TPP2: variants seen among roughly 807,000 people sequenced by gnomAD.
The protein encoded by TPP2 is tripeptidyl-peptidase 2.
A neutral mutation model predicts 155.9 loss-of-function variants in TPP2; 34 were observed. The observed-to-expected ratio is 0.22, with a 90% CI of 0.17 to 0.29. The LOEUF (loss-of-function observed/expected upper bound fraction) is 0.29. TPP2 is among the 10% of genes least tolerant of loss of function. The probability of loss-of-function intolerance (pLI) is 1.00; values close to 1 mark genes in which losing one functional copy is unlikely to be tolerated. For missense variants in TPP2, 1,028 were observed against 1,522.3 expected, an observed-to-expected ratio of 0.68 and a Z score of 5.40; for synonymous variants, 510 against 529.4, an observed-to-expected ratio of 0.96 and a Z score of 0.50.
intron 5 of TPP2, among the ~76,000 whole-genome samples, chr13:102,619,077 C>T (rs1412295947): frequency 6.6e-6 from 1 of 152,092 alleles, no homozygotes; most frequent in Non-Finnish European, 1.5e-5. Flanking sequence ...AAACTTACTT[C>T]ATTAATAATT....
intron 27 of TPP2, 130 bp from the exon 28 acceptor site, chr13:102,674,153 G>A (rs112912971): frequency 0.01 from 9,572 of 920,000 alleles, 88 homozygotes; most frequent in Middle Eastern, 0.019. Context: ...ACAATTGTAC[G>A]TACCTGGATA....
chr13:102,626,935 A>G, intron 6 of TPP2, 77 bp from the exon 7 acceptor site: 2 of 1,360,896 alleles, frequency 1.5e-6, no homozygotes, highest in Non-Finnish European at 1.9e-6. Flanking sequence ...TATCATGATT[A>G]ATAATATGCA....
At chr13:102,648,869 AAACTT>A in intron 21 of TPP2, 33 bp from the exon 22 acceptor site, 1 of 1,552,636 alleles carries the variant, frequency 6.4e-7, no homozygotes, top group South Asian at 1.3e-5. Context: ...TGACTTGGTT[AAACTT>A]AACTTTTCCC....
chr13:102,646,244 C>A, intron 19 of TPP2, 50 bp from the exon 20 acceptor site: 1 of 1,455,418 alleles, frequency 6.9e-7, no homozygotes, highest in East Asian at 2.3e-5. Flanking sequence ...TTATTTGTCT[C>A]ATTCAATGAA....
intron 6 of TPP2, among the ~76,000 whole-genome samples, chr13:102,624,196 G>A (rs1444153296): frequency 6.6e-6 from 1 of 152,088 alleles, no homozygotes; most frequent in Non-Finnish European, 1.5e-5. Context: ...TTTATATCGT[G>A]AAAATGTTAA....
intron 2 of TPP2, among the ~76,000 whole-genome samples, chr13:102,611,652 CCTT>C (rs1041901948): frequency 1.3e-5 from 2 of 152,102 alleles, no homozygotes; most frequent in Admixed American, 6.5e-5. Flanking sequence ...GAGCGAGACT[CCTT>C]CTCAAAAAAA....
chr13:102,668,369 C>T (rs1884745350), intron 27 of TPP2, among the ~76,000 whole-genome samples: 1 of 152,162 alleles, frequency 6.6e-6, no homozygotes, highest in African/African-American at 2.4e-5. Flanking sequence ...TGTTTTTTTG[C>T]ATCAGGTTTT....
At chr13:102,670,161 G>A (rs1480347534) in intron 27 of TPP2, among the ~76,000 whole-genome samples, 1 of 85,684 alleles carries the variant, frequency 1.2e-5, no homozygotes, top group Non-Finnish European at 2.7e-5. Flanking sequence ...AAAGAATTAG[G>A]TATTGTGGGT....
rs956963160 is a variant in TPP2, at chr13:102,597,267, C to T, written c.165+64C>T. ...GCGGCCGGGGACGCGGGTGGGGACA[C>T]AGTCTCGGAGCCCGGCAGGCCAAAG... On this transcript the variant is annotated intron_variant, in intron 1 of 29. Coordinates refer to ENST00000376052, the MANE Select transcript of TPP2 (RefSeq NM_001330588.2). The T allele has an allele frequency of 1.2e-5, 12 of 979,530 alleles. No individual in the cohort carries two copies. The South Asian group carries it at 2.5e-4, about 20-fold the overall frequency. The allele number at this position is 979,530 out of a possible 1,614,324, so 60.7% of individuals were successfully genotyped here. A position where few individuals can be genotyped will look rare whatever the true frequency, so the allele number is the denominator to read the frequency against.
At chr13:102,677,348 T>C (rs901126303) in intron 29 of TPP2, among the ~76,000 whole-genome samples, 5 of 130,030 alleles carry the variant, frequency 3.8e-5, no homozygotes, top group Admixed American at 3.7e-4. Flanking sequence ...GGAGTGTTTC[T>C]TAACTTGTCT....
intron 1 of TPP2, among the ~76,000 whole-genome samples, chr13:102,598,275 C>T (rs1414304290): frequency 1.3e-5 from 2 of 152,294 alleles, no homozygotes; most frequent in East Asian, 3.9e-4. Context: ...CCCTGGCTAT[C>T]TTATCCTCCT....
intron 13 of TPP2, 130 bp from the exon 14 acceptor site, chr13:102,636,952 A>C: frequency 1.2e-6 from 1 of 814,434 alleles, no homozygotes; most frequent in Admixed American, 3.1e-5. Flanking sequence ...GTTTTATTTA[A>C]GCTGTGTTTT....
At chr13:102,610,170 C>T (rs1255002642) in intron 2 of TPP2, among the ~76,000 whole-genome samples, 5 of 152,168 alleles carry the variant, frequency 3.3e-5, no homozygotes, top group Non-Finnish European at 5.9e-5. Flanking sequence ...TTTCAGAAAG[C>T]AGCACAATGA....
chr13:102,640,641 A>ATTTTTTTTTTTTT lies in TPP2; in HGVS notation c.2020+281_2020+293dup, dbSNP rs5806315. Among the ~76,000 whole-genome samples, 9 of 84,198 alleles carry ATTTTTTTTTTTTT rather than the reference A, an allele frequency of 1.1e-4. 1 individual carries two copies. Among genetic ancestry groups the ATTTTTTTTTTTTT allele is most frequent in the Non-Finnish European group, 1.7e-4 (8 of 47,058 alleles). The allele number at this position is 84,198 out of a possible 152,430, so 55.2% of individuals were successfully genotyped here. A position where few individuals can be genotyped will look rare whatever the true frequency, so the allele number is the denominator to read the frequency against. ...TAGAATAATGCCTTACCTGGTAATAATTTTTTTTTTTTTTTTTTTTTTTTT... is the reference window on the plus strand; with the variant it reads ...TAGAATAATGCCTTACCTGGTAATAATTTTTTTTTTTTTTTTTTTTTTTTTTTTTTTTTTTTTT... On this transcript the variant is annotated intron_variant, in intron 16 of 29. Transcript: ENST00000376052.
intron 29 of TPP2, among the ~76,000 whole-genome samples, chr13:102,677,185 T>A (rs1239174958): frequency 6.6e-6 from 1 of 152,204 alleles, no homozygotes; most frequent in Non-Finnish European, 1.5e-5. Context: ...TGTAAGACAT[T>A]TTAAATTAGC....
At position 102,679,065 on chromosome 13, in the gene TPP2, G is replaced by A. The variant is rs1869145883; in HGVS notation, c.*749G>A. 6.6e-6 allele frequency: 1 copy of A among 152,468 alleles called. No homozygotes were observed. Among genetic ancestry groups the A allele is most frequent in the Non-Finnish European group, 1.5e-5 (1 of 67,992 alleles). 9.4% of individuals were successfully genotyped at this position (152,468 alleles called of 1,614,324 possible). ...ATATGTTTATTAAAATTGAAATAAT[G>A]TAAAACACATGAATAAATTTGCAAA... On this transcript the variant is annotated 3_prime_UTR_variant, in exon 30 of 30. Coordinates refer to ENST00000376052, the MANE Select transcript of TPP2 (RefSeq NM_001330588.2).
In TPP2 at chr13:102,629,617, T is replaced by C; in HGVS notation, c.1144+8T>C. The C allele has an allele frequency of 2.6e-6, 4 of 1,543,352 alleles. No homozygotes were observed. Among genetic ancestry groups the C allele is most frequent in the Non-Finnish European group, 3.5e-6 (4 of 1,156,878 alleles). On this transcript the variant is annotated splice_region_variant and intron_variant, in intron 9 of 29. Transcript: ENST00000376052. The stretch of plus-strand genomic sequence containing the variant: ...CTACATCAAGTGTGATAGGTTAGTT[T>C]CCTGTTTTAGAAATAGATTTGTTTA...
intron 10 of TPP2, among the ~76,000 whole-genome samples, chr13:102,633,679 C>T (rs1882175374): frequency 6.6e-6 from 1 of 152,176 alleles, no homozygotes; most frequent in Admixed American, 6.5e-5. Flanking sequence ...ATACCTGACA[C>T]TGTGGCCTGT....
At chr13:102,613,784 A>G (rs540648808) in intron 2 of TPP2, among the ~76,000 whole-genome samples, 25 of 152,360 alleles carry the variant, frequency 1.6e-4, no homozygotes, top group African/African-American at 6.0e-4. Context: ...GTTTTAAAAC[A>G]CTTTGAGATC....
Sources: allele counts gnomAD v4.1 joint callset (sites outside exome capture counted in the v4.1 genomes callset), GRCh38; gene constraint gnomAD v4.1.1; transcripts MANE v1.5; gene names NCBI Gene and HGNC (gene_info 2026-07-23, HGNC 2026-07-21).